Variants in ZBTB25 observed in about 807,000 individuals in gnomAD.
ZBTB25 encodes the protein zinc finger and BTB domain-containing protein 25.
Under a neutral mutation model 34.2 loss-of-function variants are expected in ZBTB25, and 20 were observed. That is an observed-to-expected ratio of 0.58 (90% CI 0.41 to 0.85). ZBTB25 has a LOEUF of 0.85. Among genes scored for constraint, ZBTB25 ranks in the 40% least tolerant of loss-of-function variants. ZBTB25 has a pLI of 0.00. For missense variants in ZBTB25, 437 were observed against 521.8 expected, an observed-to-expected ratio of 0.84 and a Z score of 1.58; for synonymous variants, 175 against 186.4, an observed-to-expected ratio of 0.94 and a Z score of 0.50.
chr14:64,485,658 G>A lies in ZBTB25; in HGVS notation c.*1265C>T, dbSNP rs1289769323. On this transcript the variant is annotated 3_prime_UTR_variant, in exon 3 of 3. Transcript: ENST00000608382. ...ATGTATCCACTTTGCTGGTTTTATG[G>A]ATCAGGAAAAAAGTGAAAACTGTGC... 3.0e-6 allele frequency: 3 copies of A among 985,296 alleles called. No homozygotes were observed. The highest frequency in any genetic ancestry group is 1.7e-5 in the African/African-American group (1 of 57,318). The allele number at this position is 985,296 out of a possible 1,614,324, so 61.0% of individuals were successfully genotyped here.
At chr14:64,501,509 G>A (rs1319541156) in intron 1 of ZBTB25, among the ~76,000 whole-genome samples, 1 of 152,110 alleles carries the variant, frequency 6.6e-6, no homozygotes, top group African/African-American at 2.4e-5. Context: ...ACAGAAAAGG[G>A]GCACAGGAAG....
In ZBTB25 at chr14:64,487,500, C is replaced by G; in HGVS notation, c.731G>C (p.Gly244Ala). 1 of 1,614,110 alleles carries G rather than the reference C, an allele frequency of 6.2e-7. No individual in the cohort carries two copies. The highest frequency in any genetic ancestry group is 1.7e-5 in the Admixed American group (1 of 60,014). ...SVKIHLCHYC[G>A]ERFDSRSNLR... ...GTTACTACGGGAATCAAAACGTTCC[C>G]CACAGTAATGGCATAAGTGTATTTT... The change falls in exon 3 of 3, where the codon GGG becomes GCG. Residue 244 changes from glycine (G) to alanine (A), a missense_variant. Transcript: ENST00000608382.
intron 2 of ZBTB25, among the ~76,000 whole-genome samples, chr14:64,452,948 T>C (rs2140986734): frequency 6.6e-6 from 1 of 152,140 alleles, no homozygotes; most frequent in South Asian, 2.1e-4. Flanking sequence ...TTCAAACTCC[T>C]GGGCTCAAGT....
intron 2 of ZBTB25, chr14:64,470,965 A>T (rs1179983068): frequency 6.0e-6 from 1 of 167,064 alleles, no homozygotes; most frequent in African/African-American, 2.4e-5. Context: ...AAATCCTAAT[A>T]ATCTAGTGCA....
chr14:64,486,629 A>T lies in ZBTB25; in HGVS notation c.*294T>A. On this transcript the variant is annotated 3_prime_UTR_variant, in exon 3 of 3. Coordinates refer to ENST00000608382, the MANE Select transcript of ZBTB25 (RefSeq NM_006977.5). ...TTTTACTGATTCTATAACTGGAAAA[A>T]CTTAGAATTCTATAAATAACTATTT... The T allele has an allele frequency of 1.0e-6, 1 of 980,530 alleles. No individual in the cohort carries two copies. Among genetic ancestry groups the T allele is most frequent in the Non-Finnish European group, 1.2e-6 (1 of 804,318 alleles). 60.7% of individuals were successfully genotyped at this position (980,530 alleles called of 1,614,324 possible).
intron 2 of ZBTB25, among the ~76,000 whole-genome samples, 153 bp downstream of exon 2, chr14:64,490,208 C>CAAAAAAAAAAAA (rs61367816): frequency 2.2e-5 from 2 of 90,932 alleles, no homozygotes; most frequent in African/African-American, 6.2e-5. Context: ...ACTCTGTCGC[C>CAAAAAAAAAAAA]AAAAAAAAAA....
intron 2 of ZBTB25, chr14:64,454,660 A>G (rs1204004405): frequency 2.2e-6 from 3 of 1,356,424 alleles, no homozygotes; most frequent in East Asian, 2.3e-5. Flanking sequence ...CACAGGGCCC[A>G]GATGGTCATT....
rs2078834091 is a variant in ZBTB25, at chr14:64,484,193, C to T, written c.*2730G>A. ...CTATAAGAATAGAAATACAGTTAACCACTATTTTCTTAACTCTCAACGAAC... is the reference window on the plus strand; with the variant it reads ...CTATAAGAATAGAAATACAGTTAACTACTATTTTCTTAACTCTCAACGAAC... On this transcript the variant is annotated 3_prime_UTR_variant, in exon 3 of 3. Coordinates refer to ENST00000608382, the MANE Select transcript of ZBTB25 (RefSeq NM_006977.5). The T allele has an allele frequency of 3.3e-5, 5 of 152,034 alleles. No homozygotes were observed. Among genetic ancestry groups the T allele is most frequent in the Admixed American group, 3.3e-4 (5 of 15,254 alleles). The allele number at this position is 152,034 out of a possible 1,614,324, so 9.4% of individuals were successfully genotyped here. A position where few individuals can be genotyped will look rare whatever the true frequency, so the allele number is the denominator to read the frequency against.
chr14:64,466,905 A>G (rs2078618066), intron 2 of ZBTB25, among the ~76,000 whole-genome samples: 1 of 152,192 alleles, frequency 6.6e-6, no homozygotes, highest in South Asian at 2.1e-4. Context: ...AATTTTCAAT[A>G]CACCTTTATA....
At position 64,453,068 on chromosome 14, in the gene ZBTB25, A is replaced by T. The variant is rs141716775; in HGVS notation, c.174-3430T>A. Among the ~76,000 whole-genome samples, 642 of 152,034 alleles carry T rather than the reference A, an allele frequency of 4.2e-3. 5 individuals are homozygous for T. The highest frequency in any genetic ancestry group is 7.5e-3 in the Non-Finnish European group (507 of 67,976). On this transcript the variant is annotated intron_variant, in intron 2 of 2. Coordinates refer to the ZBTB25 transcript ENST00000555220. ...TATGAAGAAATAATTATTCTTGGGT[A>T]GTCAGCAACACTGTTTATGATGTAC...
chr14:64,496,037 C>T (rs2079263925), intron 1 of ZBTB25, among the ~76,000 whole-genome samples: 1 of 151,940 alleles, frequency 6.6e-6, no homozygotes, highest in South Asian at 2.1e-4. Context: ...AACCATTACC[C>T]CCTCCCCCAA....
At chr14:64,493,509 T>C (rs1010061820) in intron 1 of ZBTB25, among the ~76,000 whole-genome samples, 24 of 152,134 alleles carry the variant, frequency 1.6e-4, no homozygotes, top group African/African-American at 5.8e-4. Context: ...AAGACTGCTC[T>C]AACAGCAACA....
intron 2 of ZBTB25, among the ~76,000 whole-genome samples, chr14:64,465,333 C>CGGCA (rs992850844): frequency 3.3e-5 from 5 of 152,082 alleles, no homozygotes; most frequent in African/African-American, 9.6e-5. Context: ...GGCTTCCCCG[C>CGGCA]GGCAGGCAGG....
intron 2 of ZBTB25, chr14:64,468,231 A>G (rs2078631245): frequency 1.8e-6 from 1 of 546,186 alleles, no homozygotes; most frequent in South Asian, 3.3e-5. Flanking sequence ...GCATTTCTAT[A>G]CTAGAGAAAC....
intron 1 of ZBTB25, among the ~76,000 whole-genome samples, chr14:64,501,517 A>G (rs1048883595): frequency 3.3e-5 from 5 of 152,244 alleles, no homozygotes; most frequent in African/African-American, 1.2e-4. Context: ...GGGGCACAGG[A>G]AGTGGTGCAG....
chr14:64,460,356 ACTGT>A lies in ZBTB25; in HGVS notation c.174-10722_174-10719del, dbSNP rs568644934. The A allele has an allele frequency of 8.2e-5, 15 of 183,920 alleles. No individual in the cohort carries two copies. In the South Asian group the frequency reaches 1.7e-3, roughly 21 times the overall value. The allele number at this position is 183,920 out of a possible 1,614,324, so 11.4% of individuals were successfully genotyped here. A position where few individuals can be genotyped will look rare whatever the true frequency, so the allele number is the denominator to read the frequency against. On this transcript the variant is annotated intron_variant, in intron 2 of 2. Transcript: ENST00000555220. ...TTCCCATTTCTGTCACAGCTTTAGCACTGTCTATGTTTAGAGTGCTCAAGAAGGA... is the reference window on the plus strand; with the variant it reads ...TTCCCATTTCTGTCACAGCTTTAGCACTATGTTTAGAGTGCTCAAGAAGGA...
downstream of ZBTB25, among the ~76,000 whole-genome samples, chr14:64,475,049 A>G (rs2078706957): frequency 6.6e-6 from 1 of 152,226 alleles, no homozygotes; most frequent in Non-Finnish European, 1.5e-5. Flanking sequence ...ATAATACCTT[A>G]AAAGTCCTAA....
chr14:64,504,827 C>T (rs996143572), upstream of ZBTB25: 53 of 391,220 alleles, frequency 1.4e-4, no homozygotes, highest in African/African-American at 9.4e-4. Flanking sequence ...GCCCGAGCGC[C>T]GAGCGCCGCG....
intron 2 of ZBTB25, among the ~76,000 whole-genome samples, chr14:64,464,828 G>C (rs58895407): frequency 0.016 from 2,392 of 152,156 alleles, 53 homozygotes; most frequent in African/African-American, 0.053. Flanking sequence ...CTGGGTTCCT[G>C]TGCCTTTCTC....
Sources: allele counts gnomAD v4.1 joint callset (sites outside exome capture counted in the v4.1 genomes callset), GRCh38; gene constraint gnomAD v4.1.1; transcripts MANE v1.5; gene names NCBI Gene and HGNC (gene_info 2026-07-23, HGNC 2026-07-21).